ERC2: variants seen among roughly 807,000 people sequenced by gnomAD.
ERC2 encodes the protein ERC protein 2.
A neutral mutation model predicts 114.8 loss-of-function variants in ERC2; 42 were observed. The ratio of observed to expected loss-of-function variants is 0.37; its 90% CI spans 0.29 to 0.47. The LOEUF is 0.47. Ranked by LOEUF, ERC2 falls within the 20% of genes least tolerant of loss-of-function variation. The probability of loss-of-function intolerance (pLI) is 0.99; values close to 1 mark genes in which losing one functional copy is unlikely to be tolerated. For synonymous variants in ERC2, 454 were observed against 425.5 expected, an observed-to-expected ratio of 1.07 and a Z score of -0.82; for missense variants, 939 against 1,150.7, an observed-to-expected ratio of 0.82 and a Z score of 2.66.
rs1481245659 is a variant in ERC2 at position 56,399,789 on chromosome 3, TA to T, written c.657+34561del. Reference sequence around the variant, plus strand: ...ATGAAAAAAAAAGGAACTTGGTTTTTATTCAGCCTCTAGATTCAACCAGAAA... The same window carrying T: ...ATGAAAAAAAAAGGAACTTGGTTTTTTTCAGCCTCTAGATTCAACCAGAAA... On this transcript the variant is annotated intron_variant, in intron 2 of 17. Coordinates refer to ENST00000288221, the MANE Select transcript of ERC2 (RefSeq NM_015576.3). Among the ~76,000 whole-genome samples, 8 of 152,278 alleles carry T rather than the reference TA, an allele frequency of 5.3e-5. No individual in the cohort carries two copies. The South Asian group carries it at 1.4e-3, about 28-fold the overall frequency.
intron 5 of ERC2, 47 bp from the exon 6 acceptor site, chr3:56,139,723 T>G: frequency 6.5e-7 from 1 of 1,536,088 alleles, no homozygotes; most frequent in Non-Finnish European, 8.8e-7. Flanking sequence ...TTGCTGCCCC[T>G]ACACTTTACA....
chr3:55,996,958 A>G (rs2071563120), intron 10 of ERC2, among the ~76,000 whole-genome samples: 2 of 152,350 alleles, frequency 1.3e-5, no homozygotes, highest in South Asian at 4.1e-4. Flanking sequence ...ACGTCTATTT[A>G]CATTTAATCT....
intron 17 of ERC2, among the ~76,000 whole-genome samples, chr3:55,604,519 T>A (rs891448678): frequency 6.6e-6 from 1 of 152,060 alleles, no homozygotes; most frequent in Non-Finnish European, 1.5e-5. Context: ...TCAGCAGGCA[T>A]GTCTGAGGAT....
chr3:55,665,468 T>C (rs1157374976), intron 17 of ERC2, among the ~76,000 whole-genome samples: 1 of 152,192 alleles, frequency 6.6e-6, no homozygotes, highest in Non-Finnish European at 1.5e-5. Context: ...TCTTGGATCC[T>C]GATCTTAGGT....
chr3:55,798,189 A>T (rs1300810652), intron 14 of ERC2, among the ~76,000 whole-genome samples: 1 of 152,242 alleles, frequency 6.6e-6, no homozygotes, highest in East Asian at 1.9e-4. Context: ...AATTAAACAG[A>T]ACTGGTGAAA....
chr3:56,099,492 C>T (rs1033128105), intron 6 of ERC2, among the ~76,000 whole-genome samples: 2 of 152,162 alleles, frequency 1.3e-5, no homozygotes, highest in African/African-American at 2.4e-5. Context: ...AAACCAACAA[C>T]TATGGGAGTG....
intron 2 of ERC2, among the ~76,000 whole-genome samples, chr3:56,396,296 TAC>T (rs2060304340): frequency 6.6e-6 from 1 of 152,186 alleles, no homozygotes; most frequent in African/African-American, 2.4e-5. Context: ...TAAATAAAAA[TAC>T]AGTTTGTCCA....
chr3:56,148,506 C>T (rs893077014), intron 5 of ERC2, among the ~76,000 whole-genome samples: 3 of 152,136 alleles, frequency 2.0e-5, no homozygotes, highest in South Asian at 2.1e-4. Flanking sequence ...AGGCCGGTCT[C>T]GAACTCCTGA....
chr3:55,996,558 T>A (rs2071529170), intron 10 of ERC2, among the ~76,000 whole-genome samples: 1 of 152,160 alleles, frequency 6.6e-6, no homozygotes, highest in African/African-American at 2.4e-5. Context: ...AAAAGGACAT[T>A]TCAGAAATGT....
chr3:55,912,435 A>C (rs2064862573), intron 13 of ERC2, among the ~76,000 whole-genome samples: 1 of 152,196 alleles, frequency 6.6e-6, no homozygotes, highest in Non-Finnish European at 1.5e-5. Flanking sequence ...ATGAAAAGTG[A>C]CTTCAGTTGA....
At chr3:56,464,978 A>G (rs560473075) in intron 1 of ERC2, among the ~76,000 whole-genome samples, 28 of 152,226 alleles carry the variant, frequency 1.8e-4, no homozygotes, top group Non-Finnish European at 4.0e-4. Context: ...CTCTTTAGGT[A>G]AATTTGTGGA....
rs1266554171 is a variant in ERC2 at position 55,992,118 on chromosome 3, T to A, written c.2194A>T (p.Ile732Phe). 6.2e-7 allele frequency: 1 copy of A among 1,614,022 alleles called. No homozygotes were observed. Among genetic ancestry groups the A allele is most frequent in the Non-Finnish European group, 8.5e-7 (1 of 1,179,900 alleles). The part of the protein sequence containing the change: ...AQAEVDRLLE[I>F]LKEVENEKND... ...TTCTCATTCTCCACCTCCTTGAGGA[T>A]CTCCAGCAACCGGTCCACTTCCGCT... Residue 732 changes from isoleucine to phenylalanine, a missense_variant, in exon 11 of 18, where the codon ATC becomes TTC. Coordinates refer to ENST00000288221, the MANE Select transcript of ERC2 (RefSeq NM_015576.3).
At chr3:56,005,950 C>A (rs2072452086) in intron 10 of ERC2, among the ~76,000 whole-genome samples, 1 of 152,020 alleles carries the variant, frequency 6.6e-6, no homozygotes, top group South Asian at 2.1e-4. Flanking sequence ...CATTTAAACA[C>A]CCTCAAATGG....
intron 4 of ERC2, among the ~76,000 whole-genome samples, chr3:56,149,712 G>C (rs2081318510): frequency 6.6e-6 from 1 of 152,148 alleles, no homozygotes; most frequent in African/African-American, 2.4e-5. Context: ...AAAATTTATA[G>C]TGATTGGAAA....
chr3:55,881,015 T>G (rs959831557), intron 14 of ERC2, among the ~76,000 whole-genome samples: 22 of 152,184 alleles, frequency 1.4e-4, no homozygotes, highest in Non-Finnish European at 3.2e-4. Context: ...GTTTATCAAT[T>G]TTAAGTAACA....
intron 13 of ERC2, among the ~76,000 whole-genome samples, chr3:55,907,473 G>A (rs1051628976): frequency 2.0e-5 from 3 of 152,192 alleles, no homozygotes; most frequent in African/African-American, 7.2e-5. Flanking sequence ...ATGCTGTAAT[G>A]ACCCATATTA....
intron 17 of ERC2, among the ~76,000 whole-genome samples, chr3:55,596,513 A>G (rs2058144107): frequency 6.6e-6 from 1 of 152,222 alleles, no homozygotes; most frequent in South Asian, 2.1e-4. Context: ...CAGGAGTTCA[A>G]GGTTACAGCG....
intron 17 of ERC2, among the ~76,000 whole-genome samples, chr3:55,555,658 A>G (rs1184842587): frequency 1.3e-5 from 2 of 152,362 alleles, no homozygotes; most frequent in East Asian, 1.9e-4. Flanking sequence ...GGGTTCTTCA[A>G]GAATCATTGC....
intron 17 of ERC2, among the ~76,000 whole-genome samples, chr3:55,616,823 C>T (rs1294243034): frequency 6.6e-6 from 1 of 151,940 alleles, no homozygotes; most frequent in Non-Finnish European, 1.5e-5. Flanking sequence ...GTGCCTGACC[C>T]CCGAGCCCAG....
Sources: allele counts gnomAD v4.1 joint callset (sites outside exome capture counted in the v4.1 genomes callset), GRCh38; gene constraint gnomAD v4.1.1; transcripts MANE v1.5; gene names NCBI Gene and HGNC (gene_info 2026-07-23, HGNC 2026-07-21).